The following RTL9 variants were observed in gnomAD, a reference collection of about 807,000 sequenced individuals.
The protein encoded by RTL9 is retrotransposon Gag-like protein 9.
A neutral mutation model predicts 44.7 loss-of-function variants in RTL9; 19 were observed. The ratio of observed to expected loss-of-function variants is 0.42; its 90% CI spans 0.30 to 0.62. The LOEUF (loss-of-function observed/expected upper bound fraction) is 0.62, where lower values mean the gene tolerates loss of function less well. Among genes scored for constraint, RTL9 ranks in the 20% least tolerant of loss-of-function variants. RTL9 has a pLI of 0.16. For missense variants in RTL9, 1,105 were observed against 1,080.6 expected (o/e 1.02, Z -0.32); for synonymous variants, 407 against 398.9 (o/e 1.02, Z -0.24).
intron 1 of RTL9, among the ~76,000 whole-genome samples, chrX:110,427,367 A>G (rs2068761746): frequency 8.9e-6 from 1 of 111,930 alleles, no homozygotes; most frequent in Non-Finnish European, 1.9e-5. Context: ...CAGCAACACC[A>G]GCATCTCTGG....
chrX:110,453,730 G>A (rs780722677), exon 1 of RTL9: 10 of 1,211,267 alleles, frequency 8.3e-6, no homozygotes, highest in Non-Finnish European at 7.8e-6. Flanking sequence ...TCAGTTTCTG[G>A]ATCGATGCCC....
chrX:110,388,484 G>C (rs1231876537), intron 1 of RTL9, among the ~76,000 whole-genome samples: 6 of 111,762 alleles, frequency 5.4e-5, no homozygotes, highest in Non-Finnish European at 1.9e-5. Context: ...CATTATGTAG[G>C]CACATGGCGC....
upstream of RTL9, among the ~76,000 whole-genome samples, chrX:110,415,530 A>G (rs1243160778): frequency 9.0e-6 from 1 of 111,507 alleles, no homozygotes; most frequent in East Asian, 2.8e-4. Flanking sequence ...GGAATCGACA[A>G]CCAATATGTA....
intron 1 of RTL9, chrX:110,439,956 G>C (rs1023867554): frequency 1.8e-5 from 2 of 110,823 alleles, no homozygotes; most frequent in African/African-American, 6.6e-5. Context: ...CGAGTCAGTT[G>C]CATCAGATTA....
chrX:110,395,592 G>A (rs1421362155), intron 1 of RTL9, among the ~76,000 whole-genome samples: 3 of 112,405 alleles, frequency 2.7e-5, no homozygotes, highest in African/African-American at 6.5e-5. Context: ...TGGTAAAGCC[G>A]GGACTGAAAT....
chrX:110,370,735 C>A (rs1051647395), intron 1 of RTL9, among the ~76,000 whole-genome samples: 1 of 112,325 alleles, frequency 8.9e-6, no homozygotes, highest in South Asian at 3.7e-4. Flanking sequence ...TGTGAGACAA[C>A]GGCAAGTGGT....
upstream of RTL9, among the ~76,000 whole-genome samples, chrX:110,446,645 G>A (rs150838711): frequency 5.4e-5 from 6 of 111,597 alleles, no homozygotes; most frequent in East Asian, 1.4e-3. Flanking sequence ...CACTGTTGGC[G>A]TTTTGGTATA....
intron 1 of RTL9, among the ~76,000 whole-genome samples, chrX:110,399,271 C>T (rs1371041551): frequency 6.2e-5 from 7 of 112,520 alleles, no homozygotes; most frequent in Non-Finnish European, 1.3e-4. Context: ...CAACCCCAAA[C>T]TTAGAAATGC....
chrX:110,430,068 A>C (rs762270237), intron 1 of RTL9, among the ~76,000 whole-genome samples: 17 of 112,300 alleles, frequency 1.5e-4, no homozygotes, highest in Non-Finnish European at 2.3e-4. Flanking sequence ...TTCCAAGTGC[A>C]TCAGGGCACT....
chrX:110,443,756 C>T (rs906531715), intron 1 of RTL9, among the ~76,000 whole-genome samples: 1 of 111,976 alleles, frequency 8.9e-6, no homozygotes, highest in South Asian at 3.7e-4. Context: ...CCATGAGGTG[C>T]GTAAACTGTA....
chrX:110,405,341 G>A (rs2068594271), intron 1 of RTL9, among the ~76,000 whole-genome samples: 1 of 111,787 alleles, frequency 8.9e-6, no homozygotes, highest in Admixed American at 9.5e-5. Flanking sequence ...CTCAATGGCT[G>A]AAAGGAGCCC....
At chrX:110,361,851 C>T (rs979500810) in intron 1 of RTL9, among the ~76,000 whole-genome samples, 2 of 112,162 alleles carry the variant, frequency 1.8e-5, no homozygotes, top group Admixed American at 9.5e-5. Context: ...TTGTGAGCCA[C>T]GTAATCTTTA....
intron 1 of RTL9, among the ~76,000 whole-genome samples, chrX:110,386,421 C>T (rs1569419682): frequency 9.1e-6 from 1 of 110,056 alleles, no homozygotes; most frequent in Non-Finnish European, 1.9e-5. Context: ...TTTTGATTTG[C>T]ATTTCTCTGA....
chrX:110,400,194 A>T (rs1186752391), intron 1 of RTL9, among the ~76,000 whole-genome samples: 2 of 106,129 alleles, frequency 1.9e-5, no homozygotes, highest in Non-Finnish European at 3.9e-5. Context: ...GTTTCTGCAA[A>T]ATAGTATTAT....
intron 1 of RTL9, among the ~76,000 whole-genome samples, chrX:110,389,211 T>C (rs1446534331): frequency 8.9e-6 from 1 of 112,779 alleles, no homozygotes; most frequent in Non-Finnish European, 1.9e-5. Flanking sequence ...AAATATAGAA[T>C]ATGCAGTATT....
upstream of RTL9, among the ~76,000 whole-genome samples, chrX:110,446,958 C>A (rs757590960): frequency 2.2e-4 from 24 of 110,572 alleles, no homozygotes; most frequent in Non-Finnish European, 1.5e-4. Context: ...GAACCTACCT[C>A]GTAGTATGTT....
At chrX:110,428,871 G>T (rs1242645195) in intron 1 of RTL9, among the ~76,000 whole-genome samples, 1 of 112,284 alleles carries the variant, frequency 8.9e-6, no homozygotes, top group Non-Finnish European at 1.9e-5. Flanking sequence ...AGCAGCAAAG[G>T]AGAGCATTAA....
chrX:110,371,213 T>G (rs1330902256), intron 1 of RTL9, among the ~76,000 whole-genome samples: 1 of 111,006 alleles, frequency 9.0e-6, no homozygotes, highest in Non-Finnish European at 1.9e-5. Context: ...CCTCTTTGTG[T>G]ACCCCCCGAG....
At chrX:110,442,247 C>CTCTCTG (rs1556214261) in intron 1 of RTL9, among the ~76,000 whole-genome samples, 13 of 97,039 alleles carry the variant, frequency 1.3e-4, no homozygotes, top group East Asian at 6.5e-4. Flanking sequence ...CTCTCTCTCT[C>CTCTCTG]TGTGTGTGTG....
Sources: allele counts gnomAD v4.1 joint callset (sites outside exome capture counted in the v4.1 genomes callset), GRCh38; gene constraint gnomAD v4.1.1; transcripts MANE v1.5; gene names NCBI Gene and HGNC (gene_info 2026-07-23, HGNC 2026-07-21).